Variants in ZFAT observed in about 807,000 individuals in gnomAD.
ZFAT encodes the protein zinc finger and AT-hook domain containing.
Under a neutral mutation model 117.7 loss-of-function variants are expected in ZFAT, and 64 were observed. The observed-to-expected ratio is 0.54, with a 90% CI of 0.44 to 0.67. ZFAT has a LOEUF of 0.67. Among genes scored for constraint, ZFAT ranks in the 30% least tolerant of loss-of-function variants. The probability of loss-of-function intolerance (pLI) is 0.00; values close to 1 mark genes in which losing one functional copy is unlikely to be tolerated. For missense variants in ZFAT, 1,433 were observed against 1,584.5 expected (o/e 0.90, Z 1.62); for synonymous variants, 679 against 615.0 (o/e 1.10, Z -1.54).
At chr8:134,618,396 G>T (rs1220041910) in intron 3 of ZFAT, among the ~76,000 whole-genome samples, 1 of 152,168 alleles carries the variant, frequency 6.6e-6, no homozygotes, top group Non-Finnish European at 1.5e-5. Flanking sequence ...GTTTGCTGCA[G>T]AATGAGGCGG....
At chr8:134,596,017 T>C (rs1204150734) in intron 7 of ZFAT, among the ~76,000 whole-genome samples, 6 of 152,224 alleles carry the variant, frequency 3.9e-5, no homozygotes, top group Non-Finnish European at 8.8e-5. Context: ...CAGCCAGAAT[T>C]ATAATACCTG....
At chr8:134,547,875 C>A (rs1292462720) in intron 11 of ZFAT, among the ~76,000 whole-genome samples, 1 of 152,200 alleles carries the variant, frequency 6.6e-6, no homozygotes, top group Non-Finnish European at 1.5e-5. Context: ...CTTGGTTATC[C>A]TGGGCTGAGC....
chr8:134,813,799 TATAC>T, the ZFAT span, among the ~76,000 whole-genome samples: 1 of 101,064 alleles, frequency 9.9e-6, no homozygotes, highest in Admixed American at 1.1e-4. Context: ...GTTTTGATTT[TATAC>T]ACACACACAC....
the ZFAT span, among the ~76,000 whole-genome samples, chr8:134,804,661 C>T: frequency 6.6e-6 from 1 of 152,176 alleles, no homozygotes; most frequent in Non-Finnish European, 1.5e-5. Context: ...ACTAAATTCT[C>T]TAAGGCCCAG....
At chr8:134,510,162 T>C in intron 14 of ZFAT, 1 of 456,858 alleles carries the variant, frequency 2.2e-6, no homozygotes, top group South Asian at 1.5e-5. Context: ...TGAAAGTGTG[T>C]GCCAAGAAAT....
chr8:134,701,315 C>T (rs1834001752), intron 1 of ZFAT, among the ~76,000 whole-genome samples: 1 of 152,154 alleles, frequency 6.6e-6, no homozygotes, highest in African/African-American at 2.4e-5. Flanking sequence ...TGCACAATGG[C>T]CTCAAGGTTC....
At chr8:134,786,588 C>A in the ZFAT span, among the ~76,000 whole-genome samples, 4 of 152,102 alleles carry the variant, frequency 2.6e-5, no homozygotes, top group African/African-American at 4.8e-5. Context: ...AGTGTTAAAT[C>A]ATTCTCCCAT....
the ZFAT span, among the ~76,000 whole-genome samples, chr8:134,740,202 C>A: frequency 6.6e-6 from 1 of 152,330 alleles, no homozygotes; most frequent in East Asian, 1.9e-4. Flanking sequence ...ACGGGAGGCA[C>A]CCATTCCCTT....
intron 1 of ZFAT, among the ~76,000 whole-genome samples, chr8:134,706,917 T>C (rs1035197994): frequency 6.6e-6 from 1 of 151,500 alleles, no homozygotes. Flanking sequence ...ACCTGTCTCC[T>C]GGCAGCTGCC....
At chr8:134,492,364 A>G (rs1358436120) in intron 15 of ZFAT, among the ~76,000 whole-genome samples, 3 of 152,220 alleles carry the variant, frequency 2.0e-5, no homozygotes, top group Non-Finnish European at 4.4e-5. Flanking sequence ...CAAATGGCCA[A>G]CATCTTCTAT....
At chr8:134,540,667 G>A (rs1425184384) in intron 11 of ZFAT, among the ~76,000 whole-genome samples, 1 of 152,150 alleles carries the variant, frequency 6.6e-6, no homozygotes, top group African/African-American at 2.4e-5. Flanking sequence ...TCCTCTAAAT[G>A]TAAGTAAAAA....
chr8:134,591,474 C>T (rs1826497616), intron 7 of ZFAT, among the ~76,000 whole-genome samples: 1 of 152,220 alleles, frequency 6.6e-6, no homozygotes, highest in African/African-American at 2.4e-5. Flanking sequence ...TCTCAGCGCT[C>T]ACTTGAGGGC....
rs374770123 is a variant in ZFAT at position 134,658,315 on chromosome 8, C to T, written c.20-578G>A. ...TCACGCCACTGCACTCCAGCCTGGG[C>T]GACAGAGCGAGATTCTGTCTCCAAA... On this transcript the variant is annotated intron_variant, in intron 1 of 15. Coordinates refer to ENST00000377838, the MANE Select transcript of ZFAT (RefSeq NM_020863.4). Among the ~76,000 whole-genome samples the T allele has an allele frequency of 2.6e-3, 324 of 123,520 alleles. 1 individual carries two copies. Among genetic ancestry groups the T allele is most frequent in the African/African-American group, 0.01 (308 of 30,274 alleles). 81.0% of individuals were successfully genotyped at this position (123,520 alleles called of 152,430 possible). A position where few individuals can be genotyped will look rare whatever the true frequency, so the allele number is the denominator to read the frequency against.
Position 134,565,448 on chromosome 8 carries a change from G to A in ZFAT, c.2888-27C>T, listed in dbSNP as rs776368153. 6.2e-6 allele frequency: 10 copies of A among 1,605,842 alleles called. No homozygotes were observed. The South Asian group carries it at 1.0e-4, about 16-fold the overall frequency. On this transcript the variant is annotated intron_variant, in intron 10 of 15. Transcript: ENST00000377838. Reference sequence around the variant, plus strand: ...TGGAAAGAAGCGGAGGACAAGATGAGCGTCGCCAGGCCAACAGCTCCCACT... The same window carrying A: ...TGGAAAGAAGCGGAGGACAAGATGAACGTCGCCAGGCCAACAGCTCCCACT...
chr8:134,712,254 A>T (rs1814029152), intron 1 of ZFAT, among the ~76,000 whole-genome samples: 1 of 152,146 alleles, frequency 6.6e-6, no homozygotes, highest in Non-Finnish European at 1.5e-5. Flanking sequence ...ATGACCTACA[A>T]ATTAGAGTTC....
chr8:134,789,212 T>C, the ZFAT span, among the ~76,000 whole-genome samples: 2 of 152,206 alleles, frequency 1.3e-5, no homozygotes, highest in Admixed American at 1.3e-4. Flanking sequence ...CTTGTCTTCA[T>C]AGTCTAAAAA....
intron 2 of ZFAT, among the ~76,000 whole-genome samples, chr8:134,647,934 T>C (rs1177053462): frequency 6.6e-6 from 1 of 152,140 alleles, no homozygotes; most frequent in African/African-American, 2.4e-5. Flanking sequence ...AAGCAACCTA[T>C]AGATTCAATG....
intron 12 of ZFAT, among the ~76,000 whole-genome samples, chr8:134,531,202 G>A (rs780220804): frequency 6.6e-6 from 1 of 152,208 alleles, no homozygotes; most frequent in Admixed American, 6.5e-5. Context: ...AATGATGAAA[G>A]TTTGGAAGCA....
chr8:134,715,136 C>A (rs912112040), upstream of ZFAT, among the ~76,000 whole-genome samples: 1 of 152,168 alleles, frequency 6.6e-6, no homozygotes, highest in African/African-American at 2.4e-5. Context: ...CTCACAGCAG[C>A]GTTTAAATGT....
Sources: gnomAD v4.1 joint callset for allele counts (sites outside exome capture counted in the v4.1 genomes callset) on GRCh38, gnomAD v4.1.1 for gene constraint, MANE v1.5 for transcripts, NCBI Gene and HGNC (gene_info 2026-07-23, HGNC 2026-07-21) for gene names.